Variants in LINGO2 observed in about 807,000 individuals in gnomAD.
LINGO2 encodes leucine rich repeat and Ig domain containing 2.
LINGO2 carries 14 observed loss-of-function variants against 30.6 expected under a neutral mutation model. That is an observed-to-expected ratio of 0.46 (90% confidence interval 0.30 to 0.72). The LOEUF is 0.72. Among genes scored for constraint, LINGO2 ranks in the 30% least tolerant of loss-of-function variants. LINGO2 has a pLI of 0.07. For synonymous variants in LINGO2, 317 were observed against 288.5 expected, an observed-to-expected ratio of 1.10 and a Z score of -1.00; for missense variants, 729 against 751.7, an observed-to-expected ratio of 0.97 and a Z score of 0.35.
chr9:28,882,440 G>C, the LINGO2 span, among the ~76,000 whole-genome samples: 34 of 152,246 alleles, frequency 2.2e-4, no homozygotes, highest in Non-Finnish European at 7.4e-5. Context: ...ACAGCTACTA[G>C]AACACTGTAT....
Position 28,251,890 on chromosome 9 carries a change from T to C in LINGO2, c.-87+43318A>G, listed in dbSNP as rs1822215385. ...GTACCAAACAAAGCTGCAAATTGTA[T>C]ACCTGGAATTGTACTCTCTGGAGAA... On this transcript the variant is annotated intron_variant, in intron 4 of 5. Coordinates refer to ENST00000379992, the Ensembl canonical transcript of LINGO2. Among the ~76,000 whole-genome samples the C allele has an allele frequency of 3.3e-5, 5 of 152,124 alleles. No individual in the cohort carries two copies. The South Asian group carries it at 1.0e-3, about 32-fold the overall frequency.
chr9:28,407,254 T>G (rs1822550605), intron 2 of LINGO2, among the ~76,000 whole-genome samples: 1 of 72,054 alleles, frequency 1.4e-5, no homozygotes, highest in Admixed American at 1.7e-4. Flanking sequence ...AAGGAATAAT[T>G]GAGGCAAAGA....
chr9:29,010,570 C>T, the LINGO2 span, among the ~76,000 whole-genome samples: 4 of 151,960 alleles, frequency 2.6e-5, no homozygotes, highest in Non-Finnish European at 4.4e-5. Flanking sequence ...AAAAATAAAA[C>T]AGGTAAAGTT....
the LINGO2 span, among the ~76,000 whole-genome samples, chr9:29,110,984 C>T: frequency 6.9e-6 from 1 of 144,496 alleles, no homozygotes; most frequent in Non-Finnish European, 1.5e-5. Flanking sequence ...CCACGGCGCC[C>T]GGCCTGGAAG....
intron 3 of LINGO2, among the ~76,000 whole-genome samples, chr9:28,353,855 G>A (rs1028372624): frequency 2.0e-5 from 3 of 152,104 alleles, no homozygotes; most frequent in Non-Finnish European, 4.4e-5. Flanking sequence ...CCTTTGTAGG[G>A]ACATGGATGA....
the LINGO2 span, among the ~76,000 whole-genome samples, chr9:29,053,935 A>G: frequency 2.0e-5 from 3 of 152,104 alleles, no homozygotes; most frequent in East Asian, 3.9e-4. Flanking sequence ...GAAAGGAGAC[A>G]CAGAAAGATG....
chr9:29,115,435 A>G, the LINGO2 span, among the ~76,000 whole-genome samples: 1 of 152,080 alleles, frequency 6.6e-6, no homozygotes, highest in Non-Finnish European at 1.5e-5. Flanking sequence ...GTTTACCAGT[A>G]GGTGTGACCT....
intron 4 of LINGO2, among the ~76,000 whole-genome samples, chr9:28,237,793 G>T (rs1821631353): frequency 2.0e-5 from 3 of 152,252 alleles, no homozygotes; most frequent in Admixed American, 6.5e-5. Context: ...GGTGGAGGTT[G>T]CAGTGAGCCA....
Position 28,442,815 on chromosome 9 carries a change from A to G in LINGO2, c.-279+33125T>C, listed in dbSNP as rs141854648. On this transcript the variant is annotated intron_variant, in intron 2 of 5. Transcript: ENST00000379992. Reference sequence around the variant, plus strand: ...TATTCTTACAAATTCATGGCCATTCATTAGTTGAAATCACAATTCTATGGT... The same window carrying G: ...TATTCTTACAAATTCATGGCCATTCGTTAGTTGAAATCACAATTCTATGGT... 6.9e-4 allele frequency among the ~76,000 whole-genome samples: 105 copies of G among 152,286 alleles called. 2 individuals carry two copies. In the East Asian group the frequency reaches 0.019, roughly 28 times the overall value.
At chr9:29,170,591 A>C in the LINGO2 span, among the ~76,000 whole-genome samples, 177 of 152,268 alleles carry the variant, frequency 1.2e-3, 1 homozygote, top group African/African-American at 3.8e-3. Flanking sequence ...ATCTATAAAA[A>C]TTAAAAAAAG....
At chr9:28,996,745 TCATA>T in the LINGO2 span, among the ~76,000 whole-genome samples, 1 of 152,220 alleles carries the variant, frequency 6.6e-6, no homozygotes. Context: ...TGTTTTCTTT[TCATA>T]CATTTTCTGT....
chr9:29,041,948 G>C, the LINGO2 span, among the ~76,000 whole-genome samples: 2 of 151,890 alleles, frequency 1.3e-5, no homozygotes, highest in African/African-American at 4.8e-5. Flanking sequence ...TAGATACTCA[G>C]CAATTTAAAA....
At chr9:29,176,391 A>C in the LINGO2 span, among the ~76,000 whole-genome samples, 1 of 152,320 alleles carries the variant, frequency 6.6e-6, no homozygotes, top group South Asian at 2.1e-4. Context: ...GTGAAATAAC[A>C]GACACGTGGT....
chr9:28,666,260 C>T (rs1828797473), intron 1 of LINGO2, among the ~76,000 whole-genome samples: 1 of 152,008 alleles, frequency 6.6e-6, no homozygotes, highest in African/African-American at 2.4e-5. Context: ...TTCTCAGAAG[C>T]TGATATGCTT....
chr9:28,496,848 G>A (rs1407227551), intron 1 of LINGO2, among the ~76,000 whole-genome samples: 2 of 152,128 alleles, frequency 1.3e-5, no homozygotes, highest in Admixed American at 1.3e-4. Flanking sequence ...TTGTAGGGCA[G>A]GCCTGGTGGT....
chr9:28,207,281 C>A (rs1020043818), intron 4 of LINGO2, among the ~76,000 whole-genome samples: 1 of 152,050 alleles, frequency 6.6e-6, no homozygotes, highest in East Asian at 1.9e-4. Flanking sequence ...TAAACATAGT[C>A]AATTGAAGTA....
intron 4 of LINGO2, among the ~76,000 whole-genome samples, chr9:28,123,861 T>A (rs1175369755): frequency 1.3e-5 from 2 of 151,886 alleles, no homozygotes; most frequent in African/African-American, 4.8e-5. Context: ...AGAGATGGGG[T>A]TTCACCGTGT....
the LINGO2 span, among the ~76,000 whole-genome samples, chr9:28,686,265 G>A: frequency 6.6e-6 from 1 of 151,960 alleles, no homozygotes; most frequent in Non-Finnish European, 1.5e-5. Flanking sequence ...TGCTTGACCA[G>A]ATGATTTTGT....
At chr9:28,099,910 C>G (rs1826360389) in intron 4 of LINGO2, among the ~76,000 whole-genome samples, 1 of 152,136 alleles carries the variant, frequency 6.6e-6, no homozygotes, top group Non-Finnish European at 1.5e-5. Flanking sequence ...TGTTCTTTCA[C>G]TCAGTTGATT....
Sources: gnomAD v4.1 joint callset for allele counts (sites outside exome capture counted in the v4.1 genomes callset) on GRCh38, gnomAD v4.1.1 for gene constraint, MANE v1.5 for transcripts, NCBI Gene and HGNC (gene_info 2026-07-23, HGNC 2026-07-21) for gene names.